HAO1: variants seen among roughly 807,000 people sequenced by gnomAD.
HAO1 encodes the protein 2-Hydroxyacid oxidase 1.
A neutral mutation model predicts 39.7 loss-of-function variants in HAO1; 34 were observed. The ratio of observed to expected loss-of-function variants is 0.86; its 90% CI spans 0.65 to 1.14. The LOEUF (loss-of-function observed/expected upper bound fraction) is 1.14. HAO1 is among the 50% of genes most tolerant of loss of function. The pLI is 0.00. For missense variants in HAO1, 479 were observed against 464.5 expected, an observed-to-expected ratio of 1.03 and a Z score of -0.29; for synonymous variants, 172 against 173.2, an observed-to-expected ratio of 0.99 and a Z score of 0.05.
chr20:7,890,671 T>C (rs2050170364), intron 5 of HAO1, among the ~76,000 whole-genome samples: 1 of 152,176 alleles, frequency 6.6e-6, no homozygotes. Context: ...CACTGCACCA[T>C]ATTTGTTGTC....
chr20:7,909,389 A>ATG lies in HAO1; in HGVS notation c.546-3061_546-3060insCA, dbSNP rs1464877599. ...TATATATATATATATGTATATATATATATATATATATATATGCTTAAAGTG... is the reference window on the plus strand; with the variant it reads ...TATATATATATATATGTATATATATATGTATATATATATATATGCTTAAAGTG... On this transcript the variant is annotated intron_variant, in intron 3 of 7. Coordinates refer to ENST00000378789, the MANE Select transcript of HAO1 (RefSeq NM_017545.3). Among the ~76,000 whole-genome samples, 334 of 140,980 alleles carry ATG rather than the reference A, an allele frequency of 2.4e-3. 9 individuals are homozygous for ATG. Among genetic ancestry groups the ATG allele is most frequent in the Middle Eastern group, 0.016 (4 of 250 alleles). The allele number at this position is 140,980 out of a possible 152,430, so 92.5% of individuals were successfully genotyped here.
At chr20:7,907,477 G>A (rs1038800101) in intron 3 of HAO1, among the ~76,000 whole-genome samples, 1 of 152,252 alleles carries the variant, frequency 6.6e-6, no homozygotes, top group Non-Finnish European at 1.5e-5. Context: ...TATGCCCTTT[G>A]TTCAATGCCT....
rs751451932 is a variant in HAO1, at chr20:7,885,581, C to G, written c.982G>C (p.Gly328Arg). The part of the protein sequence containing the change: ...VWGLAFQGEK[G>R]VQDVLEILKE... ...AGTATCTCGAGGACATCTTGAACAC[C>G]TTTCTCCCCCTAACCAAGTGAAAAG... The change falls in exon 7 of 8, where the codon GGT becomes CGT. Residue 328 changes from glycine to arginine, a missense_variant. Gly to Arg is a moderately radical substitution (Grantham distance 125). Coordinates refer to ENST00000378789, the MANE Select transcript of HAO1 (RefSeq NM_017545.3). 1 of 1,610,360 alleles carries G rather than the reference C, an allele frequency of 6.2e-7. No individual in the cohort carries two copies. The highest frequency in any genetic ancestry group is 1.1e-5 in the South Asian group (1 of 90,994).
chr20:7,937,759 C>T (rs1352743066), intron 1 of HAO1, among the ~76,000 whole-genome samples: 2 of 152,172 alleles, frequency 1.3e-5, no homozygotes, highest in Non-Finnish European at 2.9e-5. Context: ...TAATCCCAAT[C>T]AATTCCAGCC....
intron 2 of HAO1, among the ~76,000 whole-genome samples, chr20:7,925,554 G>T (rs79160251): frequency 0.013 from 1,990 of 152,208 alleles, 39 homozygotes; most frequent in African/African-American, 0.043. Context: ...TCATTTTACT[G>T]AATTGTCAAG....
intron 2 of HAO1, among the ~76,000 whole-genome samples, chr20:7,919,027 T>C (rs2050319428): frequency 2.0e-5 from 3 of 152,208 alleles, no homozygotes; most frequent in Admixed American, 2.0e-4. Context: ...TAACGGAAGA[T>C]TCCAATGATA....
chr20:7,898,853 A>G lies in HAO1; in HGVS notation c.722-3629T>C, dbSNP rs546683537. Among the ~76,000 whole-genome samples, 8 of 152,130 alleles carry G rather than the reference A, an allele frequency of 5.3e-5. No homozygotes were observed. The East Asian group carries it at 1.5e-3, about 29-fold the overall frequency. On this transcript the variant is annotated intron_variant, in intron 4 of 7. Transcript: ENST00000378789. ...AAAAACCTAGGTGTAGTCATAAATA[A>G]CCTTATTAAACAGTATAAAATAATA...
At chr20:7,905,621 C>T (rs1340667472) in intron 4 of HAO1, among the ~76,000 whole-genome samples, 1 of 152,132 alleles carries the variant, frequency 6.6e-6, no homozygotes, top group African/African-American at 2.4e-5. Context: ...TTTCTTATTA[C>T]CCATGGCTTG....
intron 4 of HAO1, among the ~76,000 whole-genome samples, chr20:7,904,760 T>C (rs2050239576): frequency 6.6e-6 from 1 of 152,154 alleles, no homozygotes; most frequent in Non-Finnish European, 1.5e-5. Flanking sequence ...TTATGATATT[T>C]ATGGAATGAA....
chr20:7,922,226 T>C (rs749590900), intron 2 of HAO1, among the ~76,000 whole-genome samples: 1 of 152,080 alleles, frequency 6.6e-6, no homozygotes, highest in Non-Finnish European at 1.5e-5. Context: ...ATCAGGGAAA[T>C]TTAAATTAAA....
At chr20:7,885,414 C>T in intron 7 of HAO1, 107 bp downstream of exon 7, 1 of 749,090 alleles carries the variant, frequency 1.3e-6, no homozygotes, top group South Asian at 1.6e-5. Context: ...ATTTAATGTA[C>T]TCAAATGATC....
chr20:7,904,756 T>C (rs2122766768), intron 4 of HAO1, among the ~76,000 whole-genome samples: 1 of 152,356 alleles, frequency 6.6e-6, no homozygotes, highest in African/African-American at 2.4e-5. Context: ...GTAGTTATGA[T>C]ATTTATGGAA....
intron 1 of HAO1, among the ~76,000 whole-genome samples, chr20:7,937,537 A>G (rs2050418632): frequency 6.6e-6 from 1 of 152,202 alleles, no homozygotes; most frequent in South Asian, 2.1e-4. Flanking sequence ...TATTTAAAAG[A>G]AAATGATGCC....
chr20:7,935,593 A>T (rs1163599068), intron 1 of HAO1, among the ~76,000 whole-genome samples: 1 of 152,236 alleles, frequency 6.6e-6, no homozygotes, highest in Non-Finnish European at 1.5e-5. Flanking sequence ...CACTTTTCTC[A>T]AAAATGTTAT....
Position 7,940,273 on chromosome 20 carries a change from TA to T in HAO1, c.137+12del, listed in dbSNP as rs1568523229. 2.5e-6 allele frequency: 4 copies of T among 1,586,860 alleles called. No homozygotes were observed. In the South Asian group the frequency reaches 4.6e-5, roughly 18 times the overall value. ...AATTTTAAAACATGATTTTAAAAAA[TA>T]AATTTTCTTACCTGGAAAATGCTGC... On this transcript the variant is annotated intron_variant, in intron 1 of 7. Coordinates refer to ENST00000378789, the MANE Select transcript of HAO1 (RefSeq NM_017545.3).
intron 3 of HAO1, among the ~76,000 whole-genome samples, chr20:7,907,369 C>T (rs527839677): frequency 2.1e-4 from 32 of 152,258 alleles, no homozygotes; most frequent in Non-Finnish European, 3.4e-4. Context: ...GCTCCCTCAC[C>T]GCTAGGTAGA....
intron 2 of HAO1, among the ~76,000 whole-genome samples, chr20:7,933,366 T>A (rs972471590): frequency 3.9e-5 from 6 of 152,216 alleles, no homozygotes; most frequent in African/African-American, 1.4e-4. Flanking sequence ...TCTAAGGTTG[T>A]TGCCTATAGT....
chr20:7,908,459 TAACA>T (rs2050259720), intron 3 of HAO1, among the ~76,000 whole-genome samples: 1 of 152,032 alleles, frequency 6.6e-6, no homozygotes, highest in African/African-American at 2.4e-5. Context: ...AAATTATTTT[TAACA>T]ATCATGACTT....
At chr20:7,907,524 T>C (rs2050254107) in intron 3 of HAO1, among the ~76,000 whole-genome samples, 1 of 152,202 alleles carries the variant, frequency 6.6e-6, no homozygotes, top group Non-Finnish European at 1.5e-5. Context: ...CCTCTAGCAG[T>C]ATTCCCTTCA....
Sources: allele counts gnomAD v4.1 joint callset (sites outside exome capture counted in the v4.1 genomes callset), GRCh38; gene constraint gnomAD v4.1.1; transcripts MANE v1.5; gene names NCBI Gene and HGNC (gene_info 2026-07-23, HGNC 2026-07-21).